Variants in SETBP1 observed in about 807,000 individuals in gnomAD.
SETBP1 encodes the protein SET binding protein 1.
Under a neutral mutation model 101.0 loss-of-function variants are expected in SETBP1, and 9 were observed. The observed-to-expected ratio is 0.09, with a 90% CI of 0.05 to 0.16. The LOEUF (loss-of-function observed/expected upper bound fraction) is 0.16, where lower values mean the gene tolerates loss of function less well. Among genes scored for constraint, SETBP1 ranks in the 10% least tolerant of loss-of-function variants. SETBP1 has a pLI of 1.00. For synonymous variants in SETBP1, 818 were observed against 788.5 expected, an observed-to-expected ratio of 1.04 and a Z score of -0.63; for missense variants, 1,858 against 2,033.8, an observed-to-expected ratio of 0.91 and a Z score of 1.66.
intron 3 of SETBP1, among the ~76,000 whole-genome samples, chr18:44,897,123 G>A (rs1366453113): frequency 1.3e-5 from 2 of 152,154 alleles, no homozygotes; most frequent in East Asian, 3.9e-4. Context: ...TAGAGGTTAA[G>A]ATTGCATTTG....
At chr18:44,938,288 A>G (rs2145032977) in intron 3 of SETBP1, among the ~76,000 whole-genome samples, 1 of 152,322 alleles carries the variant, frequency 6.6e-6, no homozygotes, top group East Asian at 1.9e-4. Context: ...CCCTCCAGCC[A>G]CTGCCGATGT....
At chr18:44,701,025 G>C (rs1183003348) in intron 1 of SETBP1, 150 bp from the exon 2 acceptor site, 2 of 240,144 alleles carry the variant, frequency 8.3e-6, no homozygotes, top group Non-Finnish European at 1.6e-5. Context: ...ATCCAATTTG[G>C]GGATGTGCTT....
At chr18:44,863,754 T>G (rs2069067743) in intron 2 of SETBP1, among the ~76,000 whole-genome samples, 1 of 152,206 alleles carries the variant, frequency 6.6e-6, no homozygotes, top group Non-Finnish European at 1.5e-5. Context: ...ACTCTGTCTC[T>G]CTACCTACCT....
intron 2 of SETBP1, among the ~76,000 whole-genome samples, chr18:44,859,430 A>T (rs906945577): frequency 6.6e-6 from 1 of 152,154 alleles, no homozygotes; most frequent in South Asian, 2.1e-4. Context: ...CCTTCCATGA[A>T]GGGATTCCCA....
rs1481603346 is a variant in SETBP1, at chr18:45,066,404, C to T, written c.*2706C>T. On this transcript the variant is annotated 3_prime_UTR_variant, in exon 6 of 6. Transcript: ENST00000649279. The stretch of plus-strand genomic sequence containing the variant: ...CAAGTTCAGTCACCTACTCAGCTTC[C>T]TCTCTCCACCACCCAGTTCCTCCCT... 1.3e-5 allele frequency: 2 copies of T among 152,208 alleles called. No individual in the cohort carries two copies. Among genetic ancestry groups the T allele is most frequent in the Non-Finnish European group, 2.9e-5 (2 of 68,048 alleles). The allele number at this position is 152,208 out of a possible 1,614,324, so 9.4% of individuals were successfully genotyped here.
chr18:44,741,085 G>A (rs1261928139), intron 2 of SETBP1, among the ~76,000 whole-genome samples: 1 of 152,162 alleles, frequency 6.6e-6, no homozygotes, highest in African/African-American at 2.4e-5. Flanking sequence ...AAACTTTAAG[G>A]CAAAAATTGG....
At chr18:44,720,130 C>T (rs113335210) in intron 2 of SETBP1, among the ~76,000 whole-genome samples, 1,724 of 152,248 alleles carry the variant, frequency 0.011, 33 homozygotes, top group African/African-American at 0.035. Flanking sequence ...ATATTGCATA[C>T]AATCTGATAG....
intron 3 of SETBP1, among the ~76,000 whole-genome samples, chr18:44,901,937 T>C (rs969650795): frequency 2.0e-5 from 3 of 152,218 alleles, no homozygotes. Context: ...AAAGTGCTAA[T>C]TCCCCAGTTA....
At chr18:44,685,055 C>T (rs1042263315) in intron 1 of SETBP1, among the ~76,000 whole-genome samples, 3 of 152,126 alleles carry the variant, frequency 2.0e-5, no homozygotes, top group Non-Finnish European at 4.4e-5. Context: ...CCCTGAAGTC[C>T]ATAGGATCCT....
intron 1 of SETBP1, among the ~76,000 whole-genome samples, chr18:44,682,852 A>G (rs1390841570): frequency 6.6e-6 from 1 of 152,194 alleles, no homozygotes; most frequent in Admixed American, 6.5e-5. Context: ...AGTTGGTGTT[A>G]GACCTGGGCT....
intron 5 of SETBP1, among the ~76,000 whole-genome samples, chr18:45,045,279 A>C (rs1166630558): frequency 2.0e-5 from 3 of 152,168 alleles, no homozygotes; most frequent in Non-Finnish European, 2.9e-5. Flanking sequence ...AAAATTAGCT[A>C]GGCATAGTGG....
intron 2 of SETBP1, among the ~76,000 whole-genome samples, chr18:44,845,105 A>G (rs1330682261): frequency 1.3e-5 from 2 of 152,198 alleles, no homozygotes; most frequent in Non-Finnish European, 2.9e-5. Context: ...GGTGATTGCC[A>G]GAGTTCTCTT....
At chr18:45,023,627 G>A (rs575054073) in intron 4 of SETBP1, among the ~76,000 whole-genome samples, 2 of 152,306 alleles carry the variant, frequency 1.3e-5, no homozygotes, top group Admixed American at 6.5e-5. Context: ...CAGAGAGTTC[G>A]AAGTTAGTTA....
intron 2 of SETBP1, among the ~76,000 whole-genome samples, chr18:44,799,710 T>C (rs570434263): frequency 6.6e-6 from 1 of 152,232 alleles, no homozygotes; most frequent in Admixed American, 6.5e-5. Context: ...GTTGGAGGTA[T>C]ACTTGATAGG....
At chr18:45,059,804 A>G (rs929081135) in intron 5 of SETBP1, among the ~76,000 whole-genome samples, 3 of 151,684 alleles carry the variant, frequency 2.0e-5, no homozygotes, top group African/African-American at 7.3e-5. Context: ...ATCTTAGAAA[A>G]CTCTGTTGGA....
intron 3 of SETBP1, among the ~76,000 whole-genome samples, chr18:44,899,083 A>G (rs977711365): frequency 2.6e-5 from 4 of 152,172 alleles, no homozygotes; most frequent in Non-Finnish European, 4.4e-5. Context: ...ACAGTGAGAT[A>G]AGGTATAATG....
rs2073931547 is a variant in SETBP1 at position 45,063,766 on chromosome 18, G to C, written c.*68G>C. On this transcript the variant is annotated 3_prime_UTR_variant, in exon 6 of 6. Transcript: ENST00000649279. Reference sequence around the variant, plus strand: ...CGTGGGAAGCGCAGTGAGCCGGGGCGGGGGCGGAATCCCCCGCTGCAGGGA... The same window carrying C: ...CGTGGGAAGCGCAGTGAGCCGGGGCCGGGGCGGAATCCCCCGCTGCAGGGA... The C allele has an allele frequency of 3.3e-6, 5 of 1,527,310 alleles. No individual in the cohort carries two copies. The East Asian group carries it at 1.3e-4, about 39-fold the overall frequency. The allele number at this position is 1,527,310 out of a possible 1,614,324, so 94.6% of individuals were successfully genotyped here.
chr18:44,822,532 A>G (rs776138088), intron 2 of SETBP1, among the ~76,000 whole-genome samples: 4 of 152,202 alleles, frequency 2.6e-5, no homozygotes, highest in Non-Finnish European at 5.9e-5. Flanking sequence ...TTCCTTTAGA[A>G]ATTAACCACC....
intron 4 of SETBP1, among the ~76,000 whole-genome samples, chr18:45,028,513 T>G (rs2073219913): frequency 6.6e-6 from 1 of 152,162 alleles, no homozygotes; most frequent in Non-Finnish European, 1.5e-5. Context: ...TATAGTCCTT[T>G]GGGTATATAC....
Sources: gnomAD v4.1 joint callset for allele counts (sites outside exome capture counted in the v4.1 genomes callset) on GRCh38, gnomAD v4.1.1 for gene constraint, MANE v1.5 for transcripts, NCBI Gene and HGNC (gene_info 2026-07-23, HGNC 2026-07-21) for gene names.